Variants in PLXNA4 observed in about 807,000 individuals in gnomAD.
PLXNA4 encodes the protein plexin A4.
PLXNA4 carries 44 observed loss-of-function variants against 191.8 expected under a neutral mutation model. The observed-to-expected ratio is 0.23, with a 90% CI of 0.18 to 0.29. The LOEUF (loss-of-function observed/expected upper bound fraction) is 0.29. PLXNA4 is among the 10% of genes least tolerant of loss of function. The pLI is 1.00. For synonymous variants in PLXNA4, 1,082 were observed against 1,009.5 expected, an observed-to-expected ratio of 1.07 and a Z score of -1.36; for missense variants, 1,800 against 2,488.8, an observed-to-expected ratio of 0.72 and a Z score of 5.89.
At chr7:132,257,689 C>T (rs1467452688) in intron 4 of PLXNA4, among the ~76,000 whole-genome samples, 1 of 152,232 alleles carries the variant, frequency 6.6e-6, no homozygotes, top group Admixed American at 6.5e-5. Flanking sequence ...CTGACCTTCA[C>T]AGGGCTCCCA....
chr7:132,472,081 C>T (rs552728834), intron 3 of PLXNA4, among the ~76,000 whole-genome samples: 6 of 152,296 alleles, frequency 3.9e-5, no homozygotes, highest in East Asian at 1.9e-4. Flanking sequence ...CTTGTAACCA[C>T]GCTCCATTAT....
At chr7:132,237,219 G>A (rs17805164) in intron 5 of PLXNA4, among the ~76,000 whole-genome samples, 5,868 of 152,160 alleles carry the variant, frequency 0.039, 179 homozygotes, top group Non-Finnish European at 0.059. Context: ...ATCCAGGACC[G>A]GATTTTAGAA....
chr7:132,586,784 G>A (rs1237948912), intron 2 of PLXNA4, among the ~76,000 whole-genome samples: 2 of 152,048 alleles, frequency 1.3e-5, no homozygotes, highest in Non-Finnish European at 2.9e-5. Context: ...TAATTAGCTG[G>A]GTGTGGTGGC....
intron 4 of PLXNA4, among the ~76,000 whole-genome samples, chr7:132,292,513 C>T (rs984448873): frequency 2.0e-5 from 3 of 152,164 alleles, no homozygotes; most frequent in African/African-American, 2.4e-5. Context: ...AGTCTTCAGG[C>T]GTCATCTCCA....
At chr7:132,170,812 C>T (rs187374277) in intron 21 of PLXNA4, among the ~76,000 whole-genome samples, 27 of 152,366 alleles carry the variant, frequency 1.8e-4, no homozygotes, top group African/African-American at 4.1e-4. Context: ...CTGTAGGAAA[C>T]GTGTGTGTTT....
At chr7:132,280,882 G>A (rs1037050626) in intron 4 of PLXNA4, among the ~76,000 whole-genome samples, 24 of 152,080 alleles carry the variant, frequency 1.6e-4, no homozygotes, top group African/African-American at 5.8e-4. Context: ...ACACTTCATA[G>A]TAAAAAGTTC....
chr7:132,471,528 C>G (rs1225763030), intron 3 of PLXNA4, among the ~76,000 whole-genome samples: 1 of 152,144 alleles, frequency 6.6e-6, no homozygotes, highest in Admixed American at 6.5e-5. Flanking sequence ...CTGTTACTCC[C>G]AGCGATCACC....
intron 1 of PLXNA4, among the ~76,000 whole-genome samples, chr7:132,566,861 A>G (rs1320267031): frequency 6.6e-6 from 1 of 152,240 alleles, no homozygotes; most frequent in Non-Finnish European, 1.5e-5. Flanking sequence ...GCAAATGACA[A>G]GGACAAGAGG....
At chr7:132,410,036 C>T (rs933655915) in intron 3 of PLXNA4, among the ~76,000 whole-genome samples, 6 of 152,210 alleles carry the variant, frequency 3.9e-5, no homozygotes, top group Non-Finnish European at 8.8e-5. Flanking sequence ...GAGAAGCTGA[C>T]TGTAGTTGCC....
In PLXNA4 at chr7:132,164,145, G is replaced by T. The variant is rs140355078; in HGVS notation, c.4497C>A (p.Thr1499=). ...KLIRQQIDYK[T]LVLSCVSPDN... ...GGAAACAGATGGGTGGGCTCACCAG[G>T]GTTTTGTAGTCAATCTGCTGGCGGA... Residue 1499 remains threonine, a synonymous_variant, in exon 24 of 32, where the codon ACC becomes ACA. Transcript: ENST00000321063. 4.7e-4 allele frequency: 760 copies of T among 1,613,898 alleles called. 6 individuals are homozygous for T. The African/African-American group carries it at 9.3e-3, about 20-fold the overall frequency.
At chr7:132,304,080 T>G (rs1801418511) in intron 3 of PLXNA4, among the ~76,000 whole-genome samples, 1 of 152,102 alleles carries the variant, frequency 6.6e-6, no homozygotes, top group Non-Finnish European at 1.5e-5. Flanking sequence ...ATCTTTTAGA[T>G]CAGTAGGAAG....
rs748563611 is a variant in PLXNA4, at chr7:132,223,523, C to A, written c.2097+4G>T. On this transcript the variant is annotated splice_donor_region_variant and intron_variant, in intron 9 of 31. Transcript: ENST00000321063. ...ACTCACCACTCTGGCTGCCAGGGAC[C>A]TACCTCGGGCAGCTTCACTCGGCCT... The A allele has an allele frequency of 5.0e-6, 8 of 1,610,466 alleles. No individual in the cohort carries two copies. The highest frequency in any genetic ancestry group is 6.8e-6 in the Non-Finnish European group (8 of 1,178,070).
At chr7:132,396,468 C>T (rs866647462) in intron 3 of PLXNA4, among the ~76,000 whole-genome samples, 5 of 152,056 alleles carry the variant, frequency 3.3e-5, no homozygotes, top group African/African-American at 7.2e-5. Flanking sequence ...AGTGGCAGGG[C>T]TGGACTTGGG....
intron 2 of PLXNA4, among the ~76,000 whole-genome samples, chr7:132,582,945 A>G (rs1450354614): frequency 6.6e-6 from 1 of 152,064 alleles, no homozygotes; most frequent in Non-Finnish European, 1.5e-5. Flanking sequence ...CCTGCCAGTC[A>G]CTCCCTTCAG....
intron 3 of PLXNA4, among the ~76,000 whole-genome samples, chr7:132,306,975 G>A (rs534809587): frequency 1.3e-5 from 2 of 152,244 alleles, no homozygotes; most frequent in East Asian, 1.9e-4. Context: ...CTTGGCAACT[G>A]GCTCGTTGTG....
At chr7:132,520,963 G>T (rs896609501) in intron 1 of PLXNA4, among the ~76,000 whole-genome samples, 4 of 152,032 alleles carry the variant, frequency 2.6e-5, no homozygotes, top group South Asian at 2.1e-4. Flanking sequence ...GGCCCCTTTT[G>T]TCCCTCTACC....
chr7:132,306,814 C>T (rs546683309), intron 3 of PLXNA4, among the ~76,000 whole-genome samples: 1 of 152,118 alleles, frequency 6.6e-6, no homozygotes, highest in East Asian at 1.9e-4. Context: ...CATCTCAGCT[C>T]AAACACAATC....
intron 30 of PLXNA4, among the ~76,000 whole-genome samples, chr7:132,138,034 A>C (rs1795164409): frequency 6.6e-6 from 1 of 151,998 alleles, no homozygotes; most frequent in Non-Finnish European, 1.5e-5. Flanking sequence ...GATGAGTGGG[A>C]GGGTAAAGAA....
At chr7:132,618,115 C>T (rs1323165422) in intron 2 of PLXNA4, among the ~76,000 whole-genome samples, 9 of 152,200 alleles carry the variant, frequency 5.9e-5, no homozygotes, top group Admixed American at 5.9e-4. Context: ...TATGGCCAAA[C>T]TCAGCTGCAA....
Sources: gnomAD v4.1 joint callset for allele counts (sites outside exome capture counted in the v4.1 genomes callset) on GRCh38, gnomAD v4.1.1 for gene constraint, MANE v1.5 for transcripts, NCBI Gene and HGNC (gene_info 2026-07-23, HGNC 2026-07-21) for gene names.